The following TTC33 variants were observed in gnomAD, a reference collection of about 807,000 sequenced individuals.
TTC33 encodes tetratricopeptide repeat protein 33.
A neutral mutation model predicts 29.4 loss-of-function variants in TTC33; 24 were observed. That is an observed-to-expected ratio of 0.82 (90% CI 0.59 to 1.15). TTC33 has a LOEUF of 1.15. TTC33 is among the 50% of genes most tolerant of loss of function. TTC33 has a pLI of 0.00. For synonymous variants in TTC33, 107 were observed against 100.3 expected, an observed-to-expected ratio of 1.07 and a Z score of -0.40; for missense variants, 286 against 310.4, an observed-to-expected ratio of 0.92 and a Z score of 0.59.
At position 40,716,114 on chromosome 5, in the gene TTC33, G is replaced by C; in HGVS notation, c.*31C>G. The C allele has an allele frequency of 6.6e-7, 1 of 1,516,434 alleles. No homozygotes were observed. Among genetic ancestry groups the C allele is most frequent in the Non-Finnish European group, 8.9e-7 (1 of 1,126,678 alleles). 93.9% of individuals were successfully genotyped at this position (1,516,434 alleles called of 1,614,324 possible). A position where few individuals can be genotyped will look rare whatever the true frequency, so the allele number is the denominator to read the frequency against. On this transcript the variant is annotated 3_prime_UTR_variant, in exon 5 of 5. Coordinates refer to ENST00000337702, the MANE Select transcript of TTC33 (RefSeq NM_012382.3). ...CAAAACTTCAAGAGGCAATCAAAAA[G>C]ACAGATTCAAATAATCCTATGCATA... is the stretch of plus-strand genomic sequence containing the variant.
chr5:40,725,742 C>G (rs1003000700), intron 4 of TTC33, among the ~76,000 whole-genome samples: 5 of 151,552 alleles, frequency 3.3e-5, no homozygotes, highest in Admixed American at 1.3e-4. Context: ...CATCCCCATT[C>G]CCTCATACAG....
intron 4 of TTC33, among the ~76,000 whole-genome samples, chr5:40,725,403 A>C (rs1251658354): frequency 6.6e-6 from 1 of 152,228 alleles, no homozygotes; most frequent in Non-Finnish European, 1.5e-5. Flanking sequence ...AAATGATGCA[A>C]CTGAAATTTC....
At chr5:40,728,581 A>G (rs574072811) in intron 3 of TTC33, 105 bp from the exon 4 acceptor site, 59 of 1,138,756 alleles carry the variant, frequency 5.2e-5, no homozygotes, top group Non-Finnish European at 6.7e-5. Context: ...GTCCAGTAAA[A>G]ATAGCATTTC....
intron 2 of TTC33, among the ~76,000 whole-genome samples, chr5:40,742,564 G>A (rs970796983): frequency 6.6e-6 from 1 of 152,146 alleles, no homozygotes; most frequent in African/African-American, 2.4e-5. Context: ...CATAATCACT[G>A]TATTGTAAAA....
chr5:40,728,574 C>T, intron 3 of TTC33, 98 bp from the exon 4 acceptor site: 2 of 1,185,576 alleles, frequency 1.7e-6, no homozygotes, highest in Non-Finnish European at 2.3e-6. Context: ...ATTTTTAGTC[C>T]AGTAAAAATA....
intron 4 of TTC33, among the ~76,000 whole-genome samples, chr5:40,719,814 C>T (rs1742086697): frequency 6.6e-6 from 1 of 152,178 alleles, no homozygotes; most frequent in Non-Finnish European, 1.5e-5. Context: ...CTTTCATGTG[C>T]TCATTAGCTG....
At chr5:40,717,229 C>A (rs1250584140) in intron 4 of TTC33, among the ~76,000 whole-genome samples, 193 of 108,702 alleles carry the variant, frequency 1.8e-3, no homozygotes, top group South Asian at 2.9e-3. Flanking sequence ...AACTCCATCT[C>A]AAAAAAAAAA....
intron 1 of TTC33, among the ~76,000 whole-genome samples, chr5:40,753,389 A>C (rs1190509497): frequency 2.0e-5 from 3 of 151,998 alleles, no homozygotes; most frequent in Non-Finnish European, 4.4e-5. Context: ...AGAAAGAAAG[A>C]AAGAAAGAAA....
At chr5:40,749,380 T>C (rs1273289252) in intron 1 of TTC33, among the ~76,000 whole-genome samples, 1 of 152,182 alleles carries the variant, frequency 6.6e-6, no homozygotes, top group African/African-American at 2.4e-5. Context: ...TAAGCTTTCA[T>C]TCCATTCTTA....
intron 2 of TTC33, among the ~76,000 whole-genome samples, chr5:40,741,573 C>T (rs1186539523): frequency 1.3e-5 from 2 of 152,192 alleles, no homozygotes; most frequent in African/African-American, 4.8e-5. Flanking sequence ...TACTCTGCAA[C>T]TTCTAGCTGT....
chr5:40,745,738 T>C (rs1284049074), intron 2 of TTC33, among the ~76,000 whole-genome samples: 5 of 151,100 alleles, frequency 3.3e-5, no homozygotes, highest in Admixed American at 2.7e-4. Flanking sequence ...ACGATTTATT[T>C]ATTTGTTTAT....
intron 2 of TTC33, among the ~76,000 whole-genome samples, chr5:40,742,489 A>G (rs1391163320): frequency 6.6e-6 from 1 of 152,224 alleles, no homozygotes; most frequent in Non-Finnish European, 1.5e-5. Flanking sequence ...CTTGCCTAAT[A>G]TTGCAAAGCT....
chr5:40,714,371 G>A lies in TTC33; in HGVS notation c.*1774C>T, dbSNP rs921587519. 1.3e-5 allele frequency: 2 copies of A among 152,182 alleles called. No homozygotes were observed. The highest frequency in any genetic ancestry group is 4.8e-5 in the African/African-American group (2 of 41,440). The allele number at this position is 152,182 out of a possible 1,614,324, so 9.4% of individuals were successfully genotyped here. ...CATTACTTCATGTGTGAGGCACCATGCAAGGTACTTTAAATATATTAAGTT... is the reference window on the plus strand; with the variant it reads ...CATTACTTCATGTGTGAGGCACCATACAAGGTACTTTAAATATATTAAGTT... On this transcript the variant is annotated 3_prime_UTR_variant, in exon 5 of 5. Transcript: ENST00000337702.
At chr5:40,725,150 A>ATT (rs1221514002) in intron 4 of TTC33, among the ~76,000 whole-genome samples, 18 of 139,284 alleles carry the variant, frequency 1.3e-4, no homozygotes, top group East Asian at 2.1e-4. Flanking sequence ...GCCCAGCCAA[A>ATT]TTTTTTTTTT....
At chr5:40,743,687 T>C (rs1742740524) in intron 2 of TTC33, among the ~76,000 whole-genome samples, 1 of 152,016 alleles carries the variant, frequency 6.6e-6, no homozygotes, top group Non-Finnish European at 1.5e-5. Context: ...GCAGGGAGGA[T>C]TGCTTAAACC....
rs1742796393 is a variant in TTC33 at position 40,746,789 on chromosome 5, A to G, written c.221+9T>C. 6.2e-7 allele frequency: 1 copy of G among 1,600,046 alleles called. No homozygotes were observed. Among genetic ancestry groups the G allele is most frequent in the Non-Finnish European group, 8.5e-7 (1 of 1,175,176 alleles). On this transcript the variant is annotated intron_variant, in intron 2 of 4. Transcript: ENST00000337702. ...TCTTCTCCATAAAAAAAAAACTTTAAATACATACCTTTTATTTTCAGCCAA... is the reference window on the plus strand; with the variant it reads ...TCTTCTCCATAAAAAAAAAACTTTAGATACATACCTTTTATTTTCAGCCAA...
Position 40,715,340 on chromosome 5 carries a change from T to C in TTC33, c.*805A>G, listed in dbSNP as rs558130256. On this transcript the variant is annotated 3_prime_UTR_variant, in exon 5 of 5. Transcript: ENST00000337702. ...AAAGTATTGGTTTTGACTGGGATAA[T>C]ATAGCAGTACAATTGTCATTAACCT... 6.6e-6 allele frequency: 1 copy of C among 152,352 alleles called. No individual in the cohort carries two copies. The highest frequency in any genetic ancestry group is 2.4e-5 in the African/African-American group (1 of 41,566). 9.4% of individuals were successfully genotyped at this position (152,352 alleles called of 1,614,324 possible). A position where few individuals can be genotyped will look rare whatever the true frequency, so the allele number is the denominator to read the frequency against.
intron 2 of TTC33, 135 bp from the exon 3 acceptor site, chr5:40,730,478 T>C (rs1399428333): frequency 5.0e-6 from 3 of 600,302 alleles, no homozygotes; most frequent in Non-Finnish European, 8.7e-6. Flanking sequence ...AGGCATTAAG[T>C]AGCATTAAGT....
At chr5:40,731,650 A>G (rs1193021192) in intron 2 of TTC33, among the ~76,000 whole-genome samples, 1 of 152,228 alleles carries the variant, frequency 6.6e-6, no homozygotes. Flanking sequence ...AACTGCCGCC[A>G]TAATTCAATT....
Sources: allele counts gnomAD v4.1 joint callset (sites outside exome capture counted in the v4.1 genomes callset), GRCh38; gene constraint gnomAD v4.1.1; transcripts MANE v1.5; gene names NCBI Gene and HGNC (gene_info 2026-07-23, HGNC 2026-07-21).